Variants in TENM2 observed in about 807,000 individuals in gnomAD.
TENM2 encodes teneurin-2.
A neutral mutation model predicts 245.2 loss-of-function variants in TENM2; 52 were observed. The observed-to-expected ratio is 0.21, with a 90% CI of 0.17 to 0.27. The LOEUF is 0.27. Among genes scored for constraint, TENM2 ranks in the 10% least tolerant of loss-of-function variants. The pLI is 1.00. For missense variants in TENM2, 3,046 were observed against 3,666.8 expected (o/e 0.83, Z 4.37); for synonymous variants, 1,363 against 1,438.9 (o/e 0.95, Z 1.19).
chr5:167,393,273 T>C (rs1481119131), intron 2 of TENM2, among the ~76,000 whole-genome samples: 1 of 152,004 alleles, frequency 6.6e-6, no homozygotes, highest in African/African-American at 2.4e-5. Context: ...TATGTAGTGA[T>C]AAATGGTATG....
At chr5:167,338,279 C>T (rs987993679) in intron 1 of TENM2, among the ~76,000 whole-genome samples, 10 of 152,250 alleles carry the variant, frequency 6.6e-5, no homozygotes, top group African/African-American at 2.4e-4. Context: ...ATTTATTTCC[C>T]CACCCCATGG....
At chr5:167,351,812 A>G (rs116332081) in intron 1 of TENM2, among the ~76,000 whole-genome samples, 9 of 152,126 alleles carry the variant, frequency 5.9e-5, no homozygotes, top group Non-Finnish European at 1.0e-4. Flanking sequence ...GCTGGAGGCT[A>G]TCGCAGAGTC....
At chr5:167,765,044 G>A (rs544309755) in intron 2 of TENM2, among the ~76,000 whole-genome samples, 5 of 152,238 alleles carry the variant, frequency 3.3e-5, no homozygotes, top group African/African-American at 1.2e-4. Context: ...CAACCCGAGT[G>A]CCTGTCCTTG....
rs1766709449 is a variant in TENM2 at position 168,247,630 on chromosome 5, A to G, written c.6691A>G (p.Asn2231Asp). Residue 2231 changes from asparagine (N) to aspartate (D), a missense_variant, in exon 27 of 29, where the codon AAT becomes GAT. Transcript: ENST00000518659. The surrounding 1 kb of genome is among the most constrained non-coding windows in gnomAD (Gnocchi z 7.8). ...GCGCTACAGCTATGACCTTAATGGG[A>G]ATCTCCACTTACTGAACCCAGGCAA... The G allele has an allele frequency of 6.2e-7, 1 of 1,613,866 alleles. No homozygotes were observed. Among genetic ancestry groups the G allele is most frequent in the Non-Finnish European group, 8.5e-7 (1 of 1,179,870 alleles).
chr5:167,991,875 C>T (rs931212111), intron 4 of TENM2, among the ~76,000 whole-genome samples: 1 of 152,108 alleles, frequency 6.6e-6, no homozygotes, highest in Admixed American at 6.5e-5. Flanking sequence ...GGGTTTCAGT[C>T]CTCAGACAGT....
At chr5:167,040,252 G>A in the TENM2 span, among the ~76,000 whole-genome samples, 4 of 151,978 alleles carry the variant, frequency 2.6e-5, no homozygotes, top group Non-Finnish European at 4.4e-5. Flanking sequence ...TACAATTTCA[G>A]TGTAGTGCTC....
the TENM2 span, chr5:167,168,487 G>A: frequency 6.6e-6 from 1 of 152,284 alleles, no homozygotes; most frequent in East Asian, 1.9e-4. Flanking sequence ...ACATGCCAAT[G>A]ATATCTTCAT....
chr5:167,555,091 G>A (rs113535314), intron 2 of TENM2, among the ~76,000 whole-genome samples: 6 of 151,906 alleles, frequency 3.9e-5, no homozygotes, highest in African/African-American at 9.7e-5. Context: ...GCGCGTGCAC[G>A]CACACACACA....
rs537099662 is a variant in TENM2 at position 167,901,900 on chromosome 5, T to C, written c.712+25705T>C. On this transcript the variant is annotated intron_variant, in intron 3 of 28. Coordinates refer to ENST00000518659, the Ensembl canonical transcript of TENM2. ...TAATAAAATTGTAGAGGTAGAAATA[T>C]AAGATCGCAGGCAATTAATCTTTTT... 1.3e-3 allele frequency among the ~76,000 whole-genome samples: 205 copies of C among 152,338 alleles called. 1 individual carries two copies. Among genetic ancestry groups the C allele is most frequent in the African/African-American group, 4.7e-3 (196 of 41,574 alleles).
chr5:167,087,605 C>G, the TENM2 span, among the ~76,000 whole-genome samples: 3 of 152,198 alleles, frequency 2.0e-5, no homozygotes, highest in East Asian at 5.8e-4. Context: ...AATAGGTGCT[C>G]AGTTAATATT....
the TENM2 span, among the ~76,000 whole-genome samples, chr5:167,266,804 T>C: frequency 6.6e-6 from 1 of 152,128 alleles, no homozygotes; most frequent in Admixed American, 6.6e-5. Context: ...CCCAGGTAAA[T>C]AAATGGATGA....
At chr5:167,059,160 A>C in the TENM2 span, among the ~76,000 whole-genome samples, 1 of 152,216 alleles carries the variant, frequency 6.6e-6, no homozygotes, top group African/African-American at 2.4e-5. Flanking sequence ...GTAACACTGG[A>C]ATTCCCTCAC....
chr5:167,261,240 G>C, the TENM2 span, among the ~76,000 whole-genome samples: 1 of 152,122 alleles, frequency 6.6e-6, no homozygotes, highest in Non-Finnish European at 1.5e-5. Context: ...GATAAGGGGC[G>C]TGAAGGCAGT....
chr5:167,191,967 A>G, the TENM2 span, among the ~76,000 whole-genome samples: 4 of 152,096 alleles, frequency 2.6e-5, no homozygotes, highest in Admixed American at 2.0e-4. Context: ...TCCATTAGCA[A>G]CTTCCGTACA....
At chr5:167,459,312 C>T (rs1766134456) in intron 2 of TENM2, among the ~76,000 whole-genome samples, 2 of 152,196 alleles carry the variant, frequency 1.3e-5, no homozygotes, top group African/African-American at 4.8e-5. Flanking sequence ...GGTTGTAGCA[C>T]ATGCCAGGAT....
At chr5:168,202,187 A>T (rs1432097370) in intron 17 of TENM2, among the ~76,000 whole-genome samples, 1 of 152,214 alleles carries the variant, frequency 6.6e-6, no homozygotes, top group Non-Finnish European at 1.5e-5. Context: ...AAATACTTCT[A>T]TATAGAGATG....
chr5:167,219,727 T>C, the TENM2 span, among the ~76,000 whole-genome samples: 4 of 152,242 alleles, frequency 2.6e-5, no homozygotes, highest in Non-Finnish European at 5.9e-5. Context: ...CTGAAAAGGC[T>C]CATTATAAAA....
chr5:167,299,888 A>G (rs560602315), intron 1 of TENM2, among the ~76,000 whole-genome samples: 1 of 152,272 alleles, frequency 6.6e-6, no homozygotes, highest in East Asian at 1.9e-4. Flanking sequence ...CAGGGAGCAG[A>G]AAGTATATGT....
At chr5:167,118,686 C>A in the TENM2 span, among the ~76,000 whole-genome samples, 1 of 152,228 alleles carries the variant, frequency 6.6e-6, no homozygotes, top group African/African-American at 2.4e-5. Flanking sequence ...ACCTTGATGA[C>A]TGTAATTTTT....
Sources: allele counts gnomAD v4.1 joint callset (sites outside exome capture counted in the v4.1 genomes callset), GRCh38; gene constraint gnomAD v4.1.1; non-coding constraint Gnocchi (gnomAD v3.1); transcripts MANE v1.5; gene names NCBI Gene and HGNC (gene_info 2026-07-23, HGNC 2026-07-21).